Variants in MS4A6A observed in about 807,000 individuals in gnomAD.
The protein encoded by MS4A6A is membrane-spanning 4-domains subfamily A member 6A.
In MS4A6A, 19 loss-of-function variants were observed where a neutral mutation model predicts 20.6. The ratio of observed to expected loss-of-function variants is 0.92; its 90% CI spans 0.64 to 1.36. The LOEUF is 1.36. MS4A6A is among the 40% of genes most tolerant of loss of function. The pLI, the probability that MS4A6A is intolerant of heterozygous loss-of-function variation, is 0.00. For missense variants in MS4A6A, 272 were observed against 261.1 expected (o/e 1.04, Z -0.29); for synonymous variants, 108 against 105.0 (o/e 1.03, Z -0.17).
At chr11:60,182,049 C>T (rs1017499056) in intron 1 of MS4A6A, among the ~76,000 whole-genome samples, 3 of 152,186 alleles carry the variant, frequency 2.0e-5, no homozygotes, top group Non-Finnish European at 4.4e-5. Flanking sequence ...ACCTCCCTTT[C>T]CTCTAGTCCT....
chr11:60,184,580 G>C (rs1337592532), upstream of MS4A6A: 1 of 152,204 alleles, frequency 6.6e-6, no homozygotes, highest in Non-Finnish European at 1.5e-5. Context: ...TTTCCTCTCT[G>C]TGCTATTTAA....
chr11:60,180,003 G>A, intron 2 of MS4A6A, 38 bp from the exon 3 acceptor site: 2 of 1,602,998 alleles, frequency 1.2e-6, no homozygotes, highest in South Asian at 2.2e-5. Context: ...ATGAAAACCA[G>A]CATTTGTAAA....
intron 5 of MS4A6A, among the ~76,000 whole-genome samples, chr11:60,173,814 C>G (rs1172301776): frequency 2.0e-5 from 3 of 152,024 alleles, no homozygotes; most frequent in African/African-American, 7.2e-5. Flanking sequence ...ATCACCAACA[C>G]CAACTCACAA....
At chr11:60,176,056 A>T (rs1187798266) in intron 4 of MS4A6A, among the ~76,000 whole-genome samples, 1 of 152,244 alleles carries the variant, frequency 6.6e-6, no homozygotes, top group African/African-American at 2.4e-5. Context: ...ATGGTGCAAA[A>T]GTAATTGTGG....
chr11:60,179,914 C>A lies in MS4A6A; in HGVS notation c.199G>T (p.Ala67Ser), dbSNP rs779090668. ...MMVLSLGIILASASFSPNFTQ... is the reference protein window; with the variant it reads ...MMVLSLGIILSSASFSPNFTQ... ...AAATTTGGAGAGAAGGAAGCAGATG[C>A]CAAAATGATCCCCAAGCTCAATACC... is the stretch of plus-strand genomic sequence containing the variant. The change falls in exon 3 of 6, where the codon GCA becomes TCA. Residue 67 changes from alanine to serine, a missense_variant. Ala to Ser is a moderately conservative substitution (Grantham distance 99, BLOSUM62 1). Transcript: ENST00000528851. 1.2e-6 allele frequency: 2 copies of A among 1,614,060 alleles called. No homozygotes were observed. The highest frequency in any genetic ancestry group is 1.7e-6 in the Non-Finnish European group (2 of 1,180,000).
At position 60,172,640 on chromosome 11, in the gene MS4A6A, G is replaced by T; in HGVS notation, c.*361C>A. On this transcript the variant is annotated 3_prime_UTR_variant, in exon 6 of 6. Coordinates refer to ENST00000528851, the MANE Select transcript of MS4A6A (RefSeq NM_022349.4). ...TTTACCAAGTCAATACTATTAAAGAGACTAGTGGTTGTGGCAGAAATTGTT... is the reference window on the plus strand; with the variant it reads ...TTTACCAAGTCAATACTATTAAAGATACTAGTGGTTGTGGCAGAAATTGTT... 8.6e-7 allele frequency: 1 copy of T among 1,156,916 alleles called. No individual in the cohort carries two copies. Among genetic ancestry groups the T allele is most frequent in the Non-Finnish European group, 1.1e-6 (1 of 931,022 alleles). 71.7% of individuals were successfully genotyped at this position (1,156,916 alleles called of 1,614,324 possible).
intron 3 of MS4A6A, chr11:60,178,649 G>T: frequency 3.6e-6 from 1 of 275,680 alleles, no homozygotes; most frequent in Non-Finnish European, 7.0e-6. Flanking sequence ...GGACATAAAA[G>T]CAATGGTTAA....
rs1257061129 is a variant in MS4A6A at position 60,172,521 on chromosome 11, T to C, written c.*480A>G. 18 of 1,170,044 alleles carry C rather than the reference T, an allele frequency of 1.5e-5. No individual in the cohort carries two copies. Among genetic ancestry groups the C allele is most frequent in the Non-Finnish European group, 1.6e-5 (15 of 946,062 alleles). 72.5% of individuals were successfully genotyped at this position (1,170,044 alleles called of 1,614,324 possible). On this transcript the variant is annotated 3_prime_UTR_variant, in exon 6 of 6. Coordinates refer to ENST00000528851, the MANE Select transcript of MS4A6A (RefSeq NM_022349.4). ...GTTTGATTCAACAATACATTTTTAA[T>C]ATAGCTTTAAAAAGGCAAACGAATT...
chr11:60,179,113 G>T (rs1322053003), intron 3 of MS4A6A, among the ~76,000 whole-genome samples: 1 of 152,116 alleles, frequency 6.6e-6, no homozygotes, highest in Admixed American at 6.5e-5. Flanking sequence ...TACACAAAAA[G>T]GTGGACTTCT....
intron 4 of MS4A6A, among the ~76,000 whole-genome samples, chr11:60,176,477 C>T (rs1565099945): frequency 6.6e-6 from 1 of 152,126 alleles, no homozygotes; most frequent in Non-Finnish European, 1.5e-5. Context: ...GAAGTGACTT[C>T]TTTTGTACTC....
chr11:60,180,133 G>A, intron 2 of MS4A6A, 168 bp from the exon 3 acceptor site: 1 of 680,644 alleles, frequency 1.5e-6, no homozygotes, highest in Non-Finnish European at 2.4e-6. Context: ...CATCCTGGAG[G>A]GTGTGCAGCT....
downstream of MS4A6A, chr11:60,172,096 T>C: frequency 6.6e-7 from 1 of 1,514,456 alleles, no homozygotes; most frequent in Non-Finnish European, 9.0e-7. Flanking sequence ...TTTTCTATAA[T>C]GGTTAACTTT....
intron 3 of MS4A6A, among the ~76,000 whole-genome samples, chr11:60,179,187 A>C (rs1856998920): frequency 6.6e-6 from 1 of 152,232 alleles, no homozygotes; most frequent in South Asian, 2.1e-4. Flanking sequence ...AAGTTGAAGG[A>C]AAAAACATCT....
intron 4 of MS4A6A, among the ~76,000 whole-genome samples, chr11:60,176,052 C>T (rs759547055): frequency 1.3e-5 from 2 of 152,204 alleles, no homozygotes; most frequent in Admixed American, 6.5e-5. Flanking sequence ...TAGCATGGTG[C>T]AAAAGTAATT....
chr11:60,182,257 A>G (rs1857171416), intron 1 of MS4A6A: 1 of 152,968 alleles, frequency 6.5e-6, no homozygotes, highest in African/African-American at 2.4e-5. Context: ...AAGTTAGTAA[A>G]AACATGTAAT....
chr11:60,175,478 G>C lies in MS4A6A; in HGVS notation c.473C>G (p.Thr158Arg). 2.5e-6 allele frequency: 4 copies of C among 1,614,164 alleles called. No homozygotes were observed. Among genetic ancestry groups the C allele is most frequent in the Non-Finnish European group, 2.5e-6 (3 of 1,180,000 alleles). Reference sequence around the variant, plus strand: ...ATAAAAGTAAGAAACATAACTTCTTGTTGGTATATTATTTTTGTCCAACTC... The same window carrying C: ...ATAAAAGTAAGAAACATAACTTCTTCTTGGTATATTATTTTTGTCCAACTC... The part of the protein sequence containing the change: ...QCELDKNNIP[T>R]RSYVSYFYHD... The change falls in exon 5 of 6, where the codon ACA becomes AGA. Residue 158 changes from threonine to arginine, a missense_variant. Transcript: ENST00000528851.
At chr11:60,181,762 T>G in intron 1 of MS4A6A, 21 bp from the exon 2 acceptor site, 3 of 1,612,010 alleles carry the variant, frequency 1.9e-6, no homozygotes, top group Non-Finnish European at 2.5e-6. Flanking sequence ...AAAAATAGAT[T>G]TAGCTCTTAA....
At chr11:60,181,326 G>A in intron 2 of MS4A6A, 2 of 517,898 alleles carry the variant, frequency 3.9e-6, no homozygotes, top group Non-Finnish European at 6.9e-6. Flanking sequence ...ATATAGAAAA[G>A]CACTGTATTG....
At chr11:60,180,525 A>G (rs1351308904) in intron 2 of MS4A6A, 6 of 156,868 alleles carry the variant, frequency 3.8e-5, no homozygotes, top group Non-Finnish European at 7.0e-5. Flanking sequence ...TCAAGGGTAC[A>G]ACTGCATGTC....
Sources: allele counts gnomAD v4.1 joint callset (sites outside exome capture counted in the v4.1 genomes callset), GRCh38; gene constraint gnomAD v4.1.1; transcripts MANE v1.5; gene names NCBI Gene and HGNC (gene_info 2026-07-23, HGNC 2026-07-21).